The following DOCK3 variants were observed in gnomAD, a reference collection of about 807,000 sequenced individuals.
DOCK3 encodes the protein dedicator of cytokinesis protein 3.
A neutral mutation model predicts 265.6 loss-of-function variants in DOCK3; 60 were observed. The ratio of observed to expected loss-of-function variants is 0.23; its 90% CI spans 0.18 to 0.28. The LOEUF (loss-of-function observed/expected upper bound fraction) is 0.28. DOCK3 is among the 10% of genes least tolerant of loss of function. DOCK3 has a pLI of 1.00. For missense variants in DOCK3, 1,981 were observed against 2,594.3 expected (o/e 0.76, Z 5.14); for synonymous variants, 881 against 938.0 (o/e 0.94, Z 1.11).
chr3:51,383,500 GC>G lies in DOCK3; in HGVS notation c.*1942del, dbSNP rs1409551444. ...TAGGTAGGAGGGCTTAGATTTTAAG[GC>G]ACTTCTGAAAGTCAATCCCTGGACA... On this transcript the variant is annotated 3_prime_UTR_variant, in exon 53 of 53. Coordinates refer to ENST00000266037, the MANE Select transcript of DOCK3 (RefSeq NM_004947.5). 2.0e-5 allele frequency: 3 copies of G among 152,408 alleles called. No individual in the cohort carries two copies. Among genetic ancestry groups the G allele is most frequent in the African/African-American group, 7.2e-5 (3 of 41,558 alleles). 9.4% of individuals were successfully genotyped at this position (152,408 alleles called of 1,614,324 possible).
intron 9 of DOCK3, among the ~76,000 whole-genome samples, chr3:51,112,696 A>G (rs2083572114): frequency 1.3e-5 from 2 of 152,216 alleles, no homozygotes; most frequent in African/African-American, 2.4e-5. Flanking sequence ...GAGTGTATGT[A>G]GAAGCCATTA....
At chr3:50,981,511 C>A (rs1008186451) in intron 5 of DOCK3, among the ~76,000 whole-genome samples, 2 of 152,158 alleles carry the variant, frequency 1.3e-5, no homozygotes, top group African/African-American at 4.8e-5. Flanking sequence ...GATTTTATGT[C>A]TCAATGATCC....
chr3:50,934,144 A>G, intron 5 of DOCK3, 67 bp downstream of exon 5: 1 of 1,035,232 alleles, frequency 9.7e-7, no homozygotes, highest in Non-Finnish European at 1.4e-6. Context: ...ATATTAAACT[A>G]TGCTAAGTAT....
chr3:51,174,767 T>G (rs1420913656), intron 12 of DOCK3, among the ~76,000 whole-genome samples: 1 of 152,228 alleles, frequency 6.6e-6, no homozygotes, highest in Non-Finnish European at 1.5e-5. Context: ...GTAAGGAGTT[T>G]CTCTTATGTC....
intron 5 of DOCK3, among the ~76,000 whole-genome samples, chr3:51,062,045 C>G (rs576057230): frequency 1.3e-5 from 2 of 152,288 alleles, no homozygotes; most frequent in African/African-American, 4.8e-5. Flanking sequence ...CATCAGCATT[C>G]TTACCTTCAT....
At chr3:51,360,733 C>T (rs1224981240) in intron 47 of DOCK3, 101 bp downstream of exon 47, 1 of 1,480,750 alleles carries the variant, frequency 6.8e-7, no homozygotes, top group Admixed American at 2.1e-5. Flanking sequence ...TTCCCTCTTA[C>T]CCATGCACAC....
chr3:51,072,444 G>A (rs1443011140), intron 6 of DOCK3, among the ~76,000 whole-genome samples: 1 of 151,712 alleles, frequency 6.6e-6, no homozygotes, highest in East Asian at 1.9e-4. Flanking sequence ...GTCTTGCTCT[G>A]TCATCCAGAC....
chr3:51,267,045 C>T (rs1221996106), intron 23 of DOCK3, among the ~76,000 whole-genome samples: 2 of 152,088 alleles, frequency 1.3e-5, no homozygotes, highest in African/African-American at 4.8e-5. Context: ...GACATTTATG[C>T]AGCCAACCAA....
intron 2 of DOCK3, 33 bp from the exon 3 acceptor site, chr3:50,841,642 G>C: frequency 8.9e-7 from 1 of 1,128,884 alleles, no homozygotes; most frequent in Non-Finnish European, 1.2e-6. Flanking sequence ...ACATGACATT[G>C]TGATTTTAAT....
intron 1 of DOCK3, among the ~76,000 whole-genome samples, chr3:50,735,809 C>G (rs998033750): frequency 6.6e-6 from 1 of 152,114 alleles, no homozygotes; most frequent in Non-Finnish European, 1.5e-5. Flanking sequence ...GCTCATGGTT[C>G]TGCGGCTATA....
intron 9 of DOCK3, among the ~76,000 whole-genome samples, chr3:51,131,795 C>G (rs2084566143): frequency 6.6e-6 from 1 of 152,198 alleles, no homozygotes; most frequent in African/African-American, 2.4e-5. Flanking sequence ...CCCCTGCCAC[C>G]TTGGGATCCA....
intron 3 of DOCK3, among the ~76,000 whole-genome samples, chr3:50,883,241 A>G (rs2048147777): frequency 6.6e-6 from 1 of 152,036 alleles, no homozygotes; most frequent in South Asian, 2.1e-4. Context: ...CGTTGTGCAC[A>G]TGTACCCTAG....
rs2085225618 is a variant in DOCK3 at position 51,341,313 on chromosome 3, C to T, written c.3843C>T (p.Tyr1281=). 4.3e-6 allele frequency: 7 copies of T among 1,613,348 alleles called. No homozygotes were observed. The highest frequency in any genetic ancestry group is 5.9e-6 in the Non-Finnish European group (7 of 1,179,548). ...EDRPLREFLH[Y]PSQTEWQRKE... ...GGCCACTACGGGAATTCCTCCACTA[C>T]CCATCGCAGACAGAGTGGCAGCGGA... Residue 1281 remains tyrosine (Y), a synonymous_variant, in exon 38 of 53, where the codon TAC becomes TAT. Transcript: ENST00000266037.
intron 2 of DOCK3, among the ~76,000 whole-genome samples, chr3:50,817,390 C>T (rs1315798452): frequency 6.6e-6 from 1 of 152,166 alleles, no homozygotes; most frequent in Non-Finnish European, 1.5e-5. Flanking sequence ...CTCCCAGGCT[C>T]AAGCCATTTG....
At chr3:50,991,227 G>C (rs1482213796) in intron 5 of DOCK3, among the ~76,000 whole-genome samples, 1 of 152,112 alleles carries the variant, frequency 6.6e-6, no homozygotes, top group East Asian at 1.9e-4. Flanking sequence ...CACAGTGACA[G>C]GATCAAATCC....
At position 50,860,057 on chromosome 3, in the gene DOCK3, A is replaced by G. The variant is rs187068116; in HGVS notation, c.162+18342A>G. Reference sequence around the variant, plus strand: ...GGTTGACTCTTGGGGACCCCAACCCAGAGAGATGCAGGTCAGAATTTGCTC... The same window carrying G: ...GGTTGACTCTTGGGGACCCCAACCCGGAGAGATGCAGGTCAGAATTTGCTC... On this transcript the variant is annotated intron_variant, in intron 3 of 52. Transcript: ENST00000266037. Among the ~76,000 whole-genome samples, 9 of 152,292 alleles carry G rather than the reference A, an allele frequency of 5.9e-5. No homozygotes were observed. In the East Asian group the frequency reaches 1.5e-3, roughly 26 times the overall value.
At chr3:50,809,906 G>A (rs758393550) in intron 2 of DOCK3, among the ~76,000 whole-genome samples, 8 of 152,136 alleles carry the variant, frequency 5.3e-5, no homozygotes, top group Non-Finnish European at 2.9e-5. Flanking sequence ...TTGGGAGGTC[G>A]AGGCAGGAGA....
intron 49 of DOCK3, 108 bp downstream of exon 49, chr3:51,362,782 G>C (rs984790006): frequency 6.9e-7 from 1 of 1,443,630 alleles, no homozygotes; most frequent in African/African-American, 1.4e-5. Flanking sequence ...CTGTGACTTA[G>C]AGAATACTCA....
At chr3:51,147,439 C>A (rs1259178090) in intron 10 of DOCK3, among the ~76,000 whole-genome samples, 1 of 151,996 alleles carries the variant, frequency 6.6e-6, no homozygotes, top group Non-Finnish European at 1.5e-5. Flanking sequence ...TTTGCTGTAC[C>A]CATTAACTCG....
Sources: gnomAD v4.1 joint callset for allele counts (sites outside exome capture counted in the v4.1 genomes callset) on GRCh38, gnomAD v4.1.1 for gene constraint, MANE v1.5 for transcripts, NCBI Gene and HGNC (gene_info 2026-07-23, HGNC 2026-07-21) for gene names.